Variants in GPD2 observed in about 807,000 individuals in gnomAD.
GPD2 encodes the protein glycerol-3-phosphate dehydrogenase 2.
In GPD2, 54 loss-of-function variants were observed where a neutral mutation model predicts 82.4. That is an observed-to-expected ratio of 0.66 (90% confidence interval 0.53 to 0.82). GPD2 has a LOEUF of 0.82. Ranked by LOEUF, GPD2 falls within the 40% of genes least tolerant of loss-of-function variation. The pLI is 0.00. For synonymous variants in GPD2, 288 were observed against 306.1 expected (o/e 0.94, Z 0.62); for missense variants, 748 against 896.2 (o/e 0.83, Z 2.11).
chr2:156,479,352 G>A (rs1019108618), intron 2 of GPD2, among the ~76,000 whole-genome samples: 3 of 152,194 alleles, frequency 2.0e-5, no homozygotes, highest in Non-Finnish European at 4.4e-5. Flanking sequence ...TGGTGTTTCT[G>A]GGAGCAGGTT....
intron 6 of GPD2, among the ~76,000 whole-genome samples, chr2:156,536,527 A>G (rs1456951951): frequency 1.3e-5 from 2 of 152,230 alleles, no homozygotes; most frequent in African/African-American, 4.8e-5. Flanking sequence ...TTCTATAGGC[A>G]GTAAGAAATT....
intron 1 of GPD2, among the ~76,000 whole-genome samples, chr2:156,456,075 A>G (rs1682778277): frequency 6.6e-6 from 1 of 152,172 alleles, no homozygotes; most frequent in African/African-American, 2.4e-5. Context: ...TTTTCCTTCT[A>G]CTGAGTGACT....
At chr2:156,516,102 G>A (rs931409406) in intron 6 of GPD2, among the ~76,000 whole-genome samples, 9 of 152,128 alleles carry the variant, frequency 5.9e-5, no homozygotes, top group Non-Finnish European at 1.5e-5. Flanking sequence ...TTTCAGAGAG[G>A]AAAATATTTC....
intron 6 of GPD2, among the ~76,000 whole-genome samples, chr2:156,528,268 A>G (rs943822233): frequency 1.3e-5 from 2 of 151,832 alleles, no homozygotes; most frequent in Admixed American, 1.3e-4. Flanking sequence ...TGATATGTGT[A>G]TTTTTGCCTT....
At chr2:156,501,651 G>T in intron 3 of GPD2, 1 of 163,590 alleles carries the variant, frequency 6.1e-6, no homozygotes. Context: ...TTCTACTTCA[G>T]AAGGTAGAAT....
At chr2:156,459,686 C>CAAAAAAAAAAAAAAAAAAAA (rs564494059) in intron 1 of GPD2, among the ~76,000 whole-genome samples, 30 of 38,770 alleles carry the variant, frequency 7.7e-4, no homozygotes, top group African/African-American at 1.8e-3. Flanking sequence ...GACTCCGTCT[C>CAAAAAAAAAAAAAAAAAAAA]AAAAAAAAAA....
the GPD2 span, among the ~76,000 whole-genome samples, chr2:156,424,981 C>T: frequency 1.8e-3 from 281 of 152,176 alleles, no homozygotes; most frequent in Non-Finnish European, 3.3e-3. Flanking sequence ...TCCTACATAA[C>T]GCCAATATTA....
At chr2:156,496,258 A>C in intron 3 of GPD2, 43 bp downstream of exon 3, 1 of 1,383,502 alleles carries the variant, frequency 7.2e-7, no homozygotes, top group Non-Finnish European at 1.0e-6. Flanking sequence ...GTTCTGGGGT[A>C]CATGTGCAGG....
At chr2:156,408,888 C>G in the GPD2 span, among the ~76,000 whole-genome samples, 1 of 152,020 alleles carries the variant, frequency 6.6e-6, no homozygotes, top group African/African-American at 2.4e-5. Flanking sequence ...GTCCTAACCC[C>G]TCGAAATATG....
the GPD2 span, among the ~76,000 whole-genome samples, chr2:156,429,600 T>TATTTTAAGAATACATTC: frequency 6.6e-6 from 1 of 152,248 alleles, no homozygotes; most frequent in Admixed American, 6.5e-5. Flanking sequence ...TTTAGACATT[T>TATTTTAAGAATACATTC]ATTTTAAGAA....
chr2:156,515,468 A>C (rs1019878011), intron 6 of GPD2, among the ~76,000 whole-genome samples: 1 of 152,048 alleles, frequency 6.6e-6, no homozygotes, highest in African/African-American at 2.4e-5. Context: ...ATTGTTGTGA[A>C]TTATAGATTC....
At chr2:156,578,110 G>A (rs1210124707) in intron 13 of GPD2, among the ~76,000 whole-genome samples, 1 of 152,100 alleles carries the variant, frequency 6.6e-6, no homozygotes, top group East Asian at 1.9e-4. Flanking sequence ...TTTTAGATGG[G>A]AAAATGACAT....
intron 9 of GPD2, among the ~76,000 whole-genome samples, chr2:156,558,659 G>A (rs1687049559): frequency 6.6e-6 from 1 of 150,944 alleles, no homozygotes; most frequent in Non-Finnish European, 1.5e-5. Flanking sequence ...GTGCAATGGT[G>A]TGATCTCAGC....
intron 2 of GPD2, among the ~76,000 whole-genome samples, chr2:156,488,565 C>G (rs1684032031): frequency 6.6e-6 from 1 of 151,736 alleles, no homozygotes; most frequent in Non-Finnish European, 1.5e-5. Context: ...GAAATAGACA[C>G]TAATTATTAG....
intron 8 of GPD2, among the ~76,000 whole-genome samples, chr2:156,551,749 C>T (rs1359470530): frequency 6.6e-6 from 1 of 152,050 alleles, no homozygotes; most frequent in Non-Finnish European, 1.5e-5. Flanking sequence ...TAGGAAAACA[C>T]TAATGATATA....
intron 6 of GPD2, among the ~76,000 whole-genome samples, chr2:156,532,866 C>A (rs1230810430): frequency 6.6e-6 from 1 of 152,128 alleles, no homozygotes; most frequent in African/African-American, 2.4e-5. Flanking sequence ...GACAGAATCA[C>A]AAATAAGGAT....
At chr2:156,576,809 G>A (rs1244181206) in intron 13 of GPD2, among the ~76,000 whole-genome samples, 1 of 152,212 alleles carries the variant, frequency 6.6e-6, no homozygotes, top group African/African-American at 2.4e-5. Context: ...AGTCGAGAAA[G>A]AAATTGTTGT....
the GPD2 span, among the ~76,000 whole-genome samples, chr2:156,426,671 C>T: frequency 2.0e-5 from 3 of 152,066 alleles, no homozygotes; most frequent in South Asian, 2.1e-4. Flanking sequence ...CTAGGATGTG[C>T]GGAAGATTTT....
At chr2:156,560,776 C>T (rs1468462811) in intron 9 of GPD2, among the ~76,000 whole-genome samples, 1 of 152,156 alleles carries the variant, frequency 6.6e-6, no homozygotes, top group Admixed American at 6.6e-5. Flanking sequence ...CTATTCTCTT[C>T]TAGGCTGATG....
Sources: allele counts gnomAD v4.1 joint callset (sites outside exome capture counted in the v4.1 genomes callset), GRCh38; gene constraint gnomAD v4.1.1; transcripts MANE v1.5; gene names NCBI Gene and HGNC (gene_info 2026-07-23, HGNC 2026-07-21).